The following SLC26A7 variants were observed in gnomAD, a reference collection of about 807,000 sequenced individuals.
SLC26A7 encodes anion exchange transporter.
A neutral mutation model predicts 82.5 loss-of-function variants in SLC26A7; 59 were observed. That is an observed-to-expected ratio of 0.72 (90% CI 0.58 to 0.89). SLC26A7 has a LOEUF of 0.89. SLC26A7 is among the 40% of genes least tolerant of loss of function. The pLI is 0.00. For synonymous variants in SLC26A7, 271 were observed against 274.3 expected (o/e 0.99, Z 0.12); for missense variants, 820 against 793.0 (o/e 1.03, Z -0.41).
chr8:91,246,662 C>T (rs183062084), upstream of SLC26A7, among the ~76,000 whole-genome samples: 261 of 150,926 alleles, frequency 1.7e-3, 3 homozygotes, highest in South Asian at 5.0e-3. Context: ...ATTGTGCCAT[C>T]GCACTCCGGC....
At chr8:91,345,636 G>T (rs1319096241) in intron 9 of SLC26A7, among the ~76,000 whole-genome samples, 2 of 152,162 alleles carry the variant, frequency 1.3e-5, no homozygotes, top group Non-Finnish European at 1.5e-5. Context: ...TGGTCAAGAT[G>T]CAATGAGACA....
At chr8:91,311,270 A>T (rs556149166) in intron 4 of SLC26A7, among the ~76,000 whole-genome samples, 2 of 152,192 alleles carry the variant, frequency 1.3e-5, no homozygotes, top group African/African-American at 4.8e-5. Flanking sequence ...AAAAGACTAC[A>T]TATTATATGA....
chr8:91,367,012 A>AT lies in SLC26A7; in HGVS notation c.1626+308dup, dbSNP rs956338736. 2.3e-3 allele frequency among the ~76,000 whole-genome samples: 329 copies of AT among 145,794 alleles called. 1 individual carries two copies. Among genetic ancestry groups the AT allele is most frequent in the South Asian group, 7.7e-3 (35 of 4,564 alleles). On this transcript the variant is annotated intron_variant, in intron 14 of 18. Transcript: ENST00000276609. ...GGATCTCTTAACCAACCTCCAAAGG[A>AT]TTTTTTTTTTTTTGAGATGGAGTCT...
At chr8:91,214,627 A>C (rs916569818) in intron 1 of SLC26A7, among the ~76,000 whole-genome samples, 1 of 152,224 alleles carries the variant, frequency 6.6e-6, no homozygotes, top group East Asian at 1.9e-4. Flanking sequence ...TAATTTCCTC[A>C]TTTGGACAAT....
chr8:91,369,849 G>A lies in SLC26A7; in HGVS notation c.1675+16G>A. The A allele has an allele frequency of 1.3e-6, 2 of 1,595,708 alleles. No homozygotes were observed. Among genetic ancestry groups the A allele is most frequent in the South Asian group, 1.1e-5 (1 of 89,172 alleles). On this transcript the variant is annotated intron_variant, in intron 15 of 18. Coordinates refer to ENST00000276609, the MANE Select transcript of SLC26A7 (RefSeq NM_052832.4). ...AACTGCAATGGTGAGTTAGCTTTAA[G>A]GAAAAAGAAAATCTAAGTGTTTACC...
Position 91,334,332 on chromosome 8 carries a change from G to T in SLC26A7, c.680G>T (p.Arg227Leu), listed in dbSNP as rs148109530. 6.2e-7 allele frequency: 1 copy of T among 1,612,746 alleles called. No homozygotes were observed. Among genetic ancestry groups the T allele is most frequent in the Non-Finnish European group, 8.5e-7 (1 of 1,179,220 alleles). ...GTTTTTGAAAACATCAAGTCTGTGCGACTGGAAGCATTGCTTTTATCCTTG... is the reference window on the plus strand; with the variant it reads ...GTTTTTGAAAACATCAAGTCTGTGCTACTGGAAGCATTGCTTTTATCCTTG... ...AYVFENIKSV[R>L]LEALLLSLLS... The change falls in exon 6 of 19, where the codon CGA becomes CTA. Residue 227 changes from arginine to leucine, a missense_variant. Coordinates refer to ENST00000276609, the MANE Select transcript of SLC26A7 (RefSeq NM_052832.4).
intron 18 of SLC26A7, 101 bp downstream of exon 18, chr8:91,394,140 AAAATCTGTTAGCCCCCCAC>A: frequency 6.3e-7 from 1 of 1,593,478 alleles, no homozygotes; most frequent in East Asian, 2.3e-5. Context: ...ATTGGCATCT[AAAATCTGTTAGCCCCCCAC>A]CCCACCCCAC....
Position 91,348,421 on chromosome 8 carries a change from G to A in SLC26A7, c.1141-3389G>A, listed in dbSNP as rs578159502. The A allele has an allele frequency of 2.2e-5, 20 of 895,916 alleles. No homozygotes were observed. The Admixed American group carries it at 3.1e-4, about 14-fold the overall frequency. The allele number at this position is 895,916 out of a possible 1,614,324, so 55.5% of individuals were successfully genotyped here. ...CTAGGTATGGATAATAAAAATGCAT[G>A]TATGGTCATCTTTGTAACTAACATA... On this transcript the variant is annotated intron_variant, in intron 9 of 18. Coordinates refer to ENST00000276609, the MANE Select transcript of SLC26A7 (RefSeq NM_052832.4).
At position 91,340,443 on chromosome 8, in the gene SLC26A7, T is replaced by G; in HGVS notation, c.918T>G (p.Ser306=). The G allele has an allele frequency of 6.2e-7, 1 of 1,614,028 alleles. No homozygotes were observed. Among genetic ancestry groups the G allele is most frequent in the Non-Finnish European group, 8.5e-7 (1 of 1,179,928 alleles). Reference sequence around the variant, plus strand: ...GAGCTCCCCCGATGAACATCCTCTCTGCGGTGATCACTGAAGCTTTCGGAG... The same window carrying G: ...GAGCTCCCCCGATGAACATCCTCTCGGCGGTGATCACTGAAGCTTTCGGAG... ...SPRAPPMNIL[S]AVITEAFGVA... is the part of the protein sequence containing the mutation. The change falls in exon 8 of 19, where the codon TCT becomes TCG. Residue 306 remains serine (S), a synonymous_variant. Transcript: ENST00000276609.
chr8:91,356,851 G>T (rs370187431), intron 11 of SLC26A7, among the ~76,000 whole-genome samples: 2 of 151,982 alleles, frequency 1.3e-5, no homozygotes, highest in East Asian at 3.9e-4. Context: ...GATTTATTTA[G>T]AATTGTAATG....
At chr8:91,282,241 G>T (rs1586359783) in intron 2 of SLC26A7, among the ~76,000 whole-genome samples, 2 of 152,278 alleles carry the variant, frequency 1.3e-5, no homozygotes, top group Admixed American at 1.3e-4. Context: ...TTCTGTCTTT[G>T]TGGGCAGAGG....
intron 2 of SLC26A7, among the ~76,000 whole-genome samples, chr8:91,226,838 A>C (rs983213260): frequency 6.6e-6 from 1 of 152,366 alleles, no homozygotes; most frequent in African/African-American, 2.4e-5. Flanking sequence ...AGTGAGTCCT[A>C]TGGATATAAT....
At chr8:91,321,487 C>T (rs938268348) in intron 5 of SLC26A7, among the ~76,000 whole-genome samples, 1 of 152,170 alleles carries the variant, frequency 6.6e-6, no homozygotes, top group African/African-American at 2.4e-5. Flanking sequence ...GAGTGTGAAA[C>T]ATTACTAAGG....
intron 8 of SLC26A7, 159 bp from the exon 9 acceptor site, chr8:91,343,194 A>C: frequency 1.8e-6 from 1 of 571,324 alleles, no homozygotes; most frequent in Non-Finnish European, 3.1e-6. Flanking sequence ...GTAAGCACCC[A>C]ATAAATGTTA....
At chr8:91,304,511 G>A (rs988361419) in intron 4 of SLC26A7, among the ~76,000 whole-genome samples, 2 of 152,188 alleles carry the variant, frequency 1.3e-5, no homozygotes, top group African/African-American at 4.8e-5. Flanking sequence ...GCAGCCTGTG[G>A]AACTGTGAGT....
At chr8:91,229,439 C>A (rs1375839349) in intron 2 of SLC26A7, among the ~76,000 whole-genome samples, 1 of 152,150 alleles carries the variant, frequency 6.6e-6, no homozygotes, top group Non-Finnish European at 1.5e-5. Flanking sequence ...GTTGGAAGAA[C>A]TTTGCAATGA....
chr8:91,265,852 A>C (rs1811097539), intron 2 of SLC26A7, among the ~76,000 whole-genome samples: 2 of 152,030 alleles, frequency 1.3e-5, no homozygotes, highest in South Asian at 4.2e-4. Flanking sequence ...TTCTAGTTAG[A>C]TGCATACTTT....
At chr8:91,289,018 C>T (rs754817554) in intron 2 of SLC26A7, 118 bp from the exon 3 acceptor site, 35 of 657,858 alleles carry the variant, frequency 5.3e-5, no homozygotes, top group Non-Finnish European at 7.8e-5. Context: ...TCTTGTTGAG[C>T]AAGTAGAATA....
intron 16 of SLC26A7, among the ~76,000 whole-genome samples, chr8:91,391,561 C>A (rs562853015): frequency 2.0e-4 from 30 of 152,206 alleles, no homozygotes; most frequent in African/African-American, 7.0e-4. Flanking sequence ...CTAGCTGAAC[C>A]TAAATTGTAA....
Sources: allele counts gnomAD v4.1 joint callset (sites outside exome capture counted in the v4.1 genomes callset), GRCh38; gene constraint gnomAD v4.1.1; transcripts MANE v1.5; gene names NCBI Gene and HGNC (gene_info 2026-07-23, HGNC 2026-07-21).